Variants in SNED1 observed in about 807,000 individuals in gnomAD.
SNED1 encodes the protein sushi, nidogen and EGF like domains 1.
Under a neutral mutation model 166.7 loss-of-function variants are expected in SNED1, and 81 were observed. The observed-to-expected ratio is 0.49, with a 90% CI of 0.41 to 0.58. SNED1 has a LOEUF of 0.58. SNED1 is among the 20% of genes least tolerant of loss of function. SNED1 has a pLI of 0.00. For synonymous variants in SNED1, 762 were observed against 822.0 expected, an observed-to-expected ratio of 0.93 and a Z score of 1.25; for missense variants, 1,604 against 2,000.2, an observed-to-expected ratio of 0.80 and a Z score of 3.78.
chr2:241,067,733 C>T (rs774075166), intron 21 of SNED1, 31 bp from the exon 22 acceptor site: 34 of 1,567,872 alleles, frequency 2.2e-5, no homozygotes, highest in Admixed American at 8.6e-5. Flanking sequence ...AAGGAGGGGC[C>T]GGCACCTGCT....
At chr2:241,019,061 A>G (rs1444305211) in intron 1 of SNED1, among the ~76,000 whole-genome samples, 2 of 152,142 alleles carry the variant, frequency 1.3e-5, no homozygotes, top group Non-Finnish European at 2.9e-5. Flanking sequence ...GTTCAGGACC[A>G]GGAGCACATG....
chr2:241,058,688 T>C (rs148375644), intron 16 of SNED1, among the ~76,000 whole-genome samples: 4,879 of 152,298 alleles, frequency 0.032, 369 homozygotes, highest in East Asian at 0.22. Context: ...CGGTGGCTCA[T>C]GCCTGTAATC....
chr2:241,062,780 T>G lies in SNED1; in HGVS notation c.2258-11T>G. The G allele has an allele frequency of 1.3e-6, 2 of 1,593,336 alleles. No homozygotes were observed. The highest frequency in any genetic ancestry group is 8.6e-7 in the Non-Finnish European group (1 of 1,166,098). On this transcript the variant is annotated splice_polypyrimidine_tract_variant and intron_variant, in intron 16 of 31. Transcript: ENST00000310397. ...GCCACATTGCTTTATTCTTGGGCTCTCTCCTCTCAGAAATCGATGAGTGCC... is the reference window on the plus strand; with the variant it reads ...GCCACATTGCTTTATTCTTGGGCTCGCTCCTCTCAGAAATCGATGAGTGCC...
intron 27 of SNED1, among the ~76,000 whole-genome samples, chr2:241,076,832 C>CTA (rs1303689160): frequency 6.6e-6 from 1 of 152,216 alleles, no homozygotes; most frequent in Non-Finnish European, 1.5e-5. Flanking sequence ...TGGCTCAGGC[C>CTA]TGTAATCCCA....
intron 16 of SNED1, among the ~76,000 whole-genome samples, chr2:241,061,092 A>G (rs116570431): frequency 3.3e-5 from 5 of 152,194 alleles, no homozygotes; most frequent in African/African-American, 1.2e-4. Context: ...AAATCCATAA[A>G]CCTTAAGAAA....
In SNED1 at chr2:241,053,340, C is replaced by T. The variant is rs1398516863; in HGVS notation, c.2257+14C>T. On this transcript the variant is annotated intron_variant, in intron 16 of 31. Transcript: ENST00000310397. ...CCCAGTGCCTTGGTGATTCTGTGGG[C>T]CCTTGGGGTGGGGCAGGTGGGGCCC... The T allele has an allele frequency of 1.3e-6, 2 of 1,551,886 alleles. No individual in the cohort carries two copies. Among genetic ancestry groups the T allele is most frequent in the Non-Finnish European group, 1.7e-6 (2 of 1,146,666 alleles).
At chr2:241,049,991 C>T (rs1240561255) in intron 12 of SNED1, 58 bp downstream of exon 12, 11 of 1,249,062 alleles carry the variant, frequency 8.8e-6, no homozygotes, top group Non-Finnish European at 9.4e-6. Flanking sequence ...GCCCGCGGTC[C>T]GCCGTCCTGC....
chr2:241,020,595 G>A (rs976418192), intron 1 of SNED1, among the ~76,000 whole-genome samples: 1 of 152,188 alleles, frequency 6.6e-6, no homozygotes, highest in Non-Finnish European at 1.5e-5. Flanking sequence ...GACCTGTTGG[G>A]CGCTGCCCTT....
At chr2:241,090,103 T>C in intron 31 of SNED1, 1 of 1,498,606 alleles carries the variant, frequency 6.7e-7, no homozygotes, top group Non-Finnish European at 8.9e-7. Flanking sequence ...CATTTTTAAT[T>C]TTTACTTTTT....
chr2:241,040,212 G>A (rs1390025502), intron 7 of SNED1, 24 bp downstream of exon 7: 3 of 1,577,758 alleles, frequency 1.9e-6, no homozygotes, highest in Middle Eastern at 1.7e-4. Flanking sequence ...CTTCGGATTG[G>A]AGAGGGGCTC....
chr2:241,055,218 A>G (rs939909170), intron 16 of SNED1, among the ~76,000 whole-genome samples: 1 of 152,200 alleles, frequency 6.6e-6, no homozygotes, highest in Non-Finnish European at 1.5e-5. Context: ...AATGTAAAGG[A>G]TAAGTGGCTA....
intron 27 of SNED1, among the ~76,000 whole-genome samples, chr2:241,077,830 C>T (rs533871327): frequency 6.6e-6 from 1 of 152,250 alleles, no homozygotes; most frequent in South Asian, 2.1e-4. Context: ...TAATAATAAG[C>T]ATTGGTGAGG....
intron 1 of SNED1, among the ~76,000 whole-genome samples, chr2:241,027,673 G>A (rs771366837): frequency 3.3e-4 from 50 of 151,172 alleles, no homozygotes; most frequent in Non-Finnish European, 3.2e-4. Flanking sequence ...CCATTCTCAC[G>A]AACAGTGCAC....
At chr2:241,025,170 T>G (rs2060916673) in intron 1 of SNED1, among the ~76,000 whole-genome samples, 1 of 152,164 alleles carries the variant, frequency 6.6e-6, no homozygotes, top group South Asian at 2.1e-4. Flanking sequence ...GTGGCGGCAT[T>G]TGATTCTAAT....
chr2:241,090,466 G>T, intron 31 of SNED1: 5 of 1,529,232 alleles, frequency 3.3e-6, no homozygotes, highest in South Asian at 1.2e-5. Context: ...TAATGATGAA[G>T]AGTATAGTAA....
intron 29 of SNED1, among the ~76,000 whole-genome samples, chr2:241,084,433 C>T (rs565413941): frequency 1.3e-5 from 2 of 152,186 alleles, no homozygotes; most frequent in East Asian, 3.9e-4. Context: ...GGATTACAGG[C>T]GTGAGTGACT....
In SNED1 at chr2:241,036,823, A is replaced by G. The variant is rs1356120613; in HGVS notation, c.839A>G (p.Asn280Ser). 6.2e-7 allele frequency: 1 copy of G among 1,610,552 alleles called. No homozygotes were observed. Among genetic ancestry groups the G allele is most frequent in the Non-Finnish European group, 8.5e-7 (1 of 1,179,696 alleles). Residue 280 changes from asparagine to serine, a missense_variant, in exon 5 of 32, where the codon AAC becomes AGC. Coordinates refer to ENST00000310397, the MANE Select transcript of SNED1 (RefSeq NM_001080437.3). ...SVCLALRPCL[N>S]GGKCIDDCVT... ...TGCCTGGCCCTGCGCCCCTGCCTCA[A>G]CGGCGGCAAGTGCATCGACGACTGC...
chr2:241,066,910 G>A (rs1307312894), intron 21 of SNED1, among the ~76,000 whole-genome samples: 3 of 152,208 alleles, frequency 2.0e-5, no homozygotes, highest in Non-Finnish European at 2.9e-5. Context: ...CCACCAAGGG[G>A]CTGGAGTTCC....
intron 1 of SNED1, among the ~76,000 whole-genome samples, chr2:241,006,006 A>G (rs2060212405): frequency 6.6e-6 from 1 of 152,168 alleles, no homozygotes; most frequent in Non-Finnish European, 1.5e-5. Context: ...TCTCTTTTGA[A>G]GACTCAAATT....
Sources: gnomAD v4.1 joint callset for allele counts (sites outside exome capture counted in the v4.1 genomes callset) on GRCh38, gnomAD v4.1.1 for gene constraint, MANE v1.5 for transcripts, NCBI Gene and HGNC (gene_info 2026-07-23, HGNC 2026-07-21) for gene names.